Variants in PCDH15 observed in about 807,000 individuals in gnomAD.
The protein encoded by PCDH15 is protocadherin related 15.
Under a neutral mutation model 178.5 loss-of-function variants are expected in PCDH15, and 129 were observed. The observed-to-expected ratio is 0.72, with a 90% confidence interval of 0.63 to 0.84. The LOEUF is 0.84. PCDH15 is among the 40% of genes least tolerant of loss of function. The pLI, the probability that PCDH15 is intolerant of heterozygous loss-of-function variation, is 0.00. For missense variants in PCDH15, 2,230 were observed against 2,099.9 expected, an observed-to-expected ratio of 1.06 and a Z score of -1.21; for synonymous variants, 800 against 732.0, an observed-to-expected ratio of 1.09 and a Z score of -1.50.
chr10:54,547,831 T>C (rs1272131082), intron 2 of PCDH15, among the ~76,000 whole-genome samples: 2 of 152,080 alleles, frequency 1.3e-5, no homozygotes, highest in Admixed American at 6.6e-5. Flanking sequence ...GGGTATAGTA[T>C]ATATTTATAT....
intron 1 of PCDH15, among the ~76,000 whole-genome samples, chr10:55,292,031 C>T (rs73252142): frequency 0.18 from 27,272 of 152,016 alleles, 4,459 homozygotes; most frequent in African/African-American, 0.44. Context: ...TGGGCAGGAA[C>T]ACAGCCAAAC....
In PCDH15 at chr10:54,158,976, C is replaced by T. The variant is rs567949877; in HGVS notation, c.1591-5683G>A. Among the ~76,000 whole-genome samples, 15 of 151,814 alleles carry T rather than the reference C, an allele frequency of 9.9e-5. No homozygotes were observed. The South Asian group carries it at 1.2e-3, about 13-fold the overall frequency. ...CAAAAATATTAGCCAGGCGTGGTGGCGAGCACATGTAGTCCCAGTGTTTTT... is the reference window on the plus strand; with the variant it reads ...CAAAAATATTAGCCAGGCGTGGTGGTGAGCACATGTAGTCCCAGTGTTTTT... On this transcript the variant is annotated intron_variant, in intron 13 of 37. Coordinates refer to ENST00000644397, the MANE Select transcript of PCDH15 (RefSeq NM_001384140.1).
At chr10:54,156,545 T>C (rs1412570183) in intron 13 of PCDH15, among the ~76,000 whole-genome samples, 1 of 152,134 alleles carries the variant, frequency 6.6e-6, no homozygotes, top group African/African-American at 2.4e-5. Context: ...CCCCAATGAT[T>C]CAATTACCTC....
chr10:55,330,838 A>ATGTGTGTG (rs71461291), intron 2 of PCDH15, among the ~76,000 whole-genome samples: 1,484 of 144,690 alleles, frequency 0.01, 25 homozygotes, highest in African/African-American at 0.031. Context: ...AGATTTATTT[A>ATGTGTGTG]TGTGTGTGTG....
intron 2 of PCDH15, among the ~76,000 whole-genome samples, chr10:55,454,558 A>G (rs552803488): frequency 6.6e-6 from 1 of 151,494 alleles, no homozygotes; most frequent in Non-Finnish European, 1.5e-5. Flanking sequence ...TGGGCGGATC[A>G]TGAGATCAGG....
intron 11 of PCDH15, among the ~76,000 whole-genome samples, chr10:54,187,814 G>A (rs2048614525): frequency 6.6e-6 from 1 of 151,576 alleles, no homozygotes; most frequent in Non-Finnish European, 1.5e-5. Flanking sequence ...AATGCTACTG[G>A]TAAATATCCT....
chr10:55,298,369 G>A (rs1843188818), intron 1 of PCDH15, among the ~76,000 whole-genome samples: 1 of 152,192 alleles, frequency 6.6e-6, no homozygotes, highest in South Asian at 2.1e-4. Flanking sequence ...AATATTCCTT[G>A]AAAGAAAGGA....
At chr10:55,570,197 C>T (rs1019466873) in intron 2 of PCDH15, among the ~76,000 whole-genome samples, 11 of 151,846 alleles carry the variant, frequency 7.2e-5, no homozygotes, top group Admixed American at 7.2e-4. Context: ...ACAGCTTTAT[C>T]GTCTGTAATA....
At chr10:55,135,042 G>A (rs927820703) in intron 2 of PCDH15, among the ~76,000 whole-genome samples, 5 of 151,986 alleles carry the variant, frequency 3.3e-5, no homozygotes, top group Admixed American at 1.3e-4. Context: ...CTATATAAGC[G>A]CCATCAGGAA....
chr10:54,010,355 A>C (rs1394502117), intron 20 of PCDH15, among the ~76,000 whole-genome samples: 1 of 151,796 alleles, frequency 6.6e-6, no homozygotes, highest in Non-Finnish European at 1.5e-5. Context: ...CTCTTGGGCC[A>C]GTAGCAGCTC....
Position 54,347,245 on chromosome 10 carries a change from C to T in PCDH15, c.475-761G>A, listed in dbSNP as rs565664368. On this transcript the variant is annotated intron_variant, in intron 5 of 37. Transcript: ENST00000644397. ...ACCAGAGTAATTTTTTTAAATTTTC[C>T]CCTCCCAGTTTTTAGGTTTTAGCTG... Among the ~76,000 whole-genome samples, 36 of 151,734 alleles carry T rather than the reference C, an allele frequency of 2.4e-4. No homozygotes were observed. In the South Asian group the frequency reaches 5.4e-3, roughly 23 times the overall value.
intron 28 of PCDH15, among the ~76,000 whole-genome samples, chr10:53,847,872 TAA>T (rs1282428111): frequency 6.6e-6 from 1 of 152,110 alleles, no homozygotes. Flanking sequence ...TGAATCATTG[TAA>T]ACTACTTCTG....
At chr10:54,329,569 G>T (rs530240466) in intron 7 of PCDH15, 27 bp downstream of exon 7, 1 of 1,488,262 alleles carries the variant, frequency 6.7e-7, no homozygotes, top group African/African-American at 1.4e-5. Context: ...ATTCACAGAA[G>T]AAATTTAAAA....
intron 5 of PCDH15, among the ~76,000 whole-genome samples, chr10:54,359,605 C>T (rs991334366): frequency 6.6e-6 from 1 of 151,844 alleles, no homozygotes; most frequent in Non-Finnish European, 1.5e-5. Context: ...ACTTCTATTA[C>T]ATTTAATTTT....
intron 2 of PCDH15, among the ~76,000 whole-genome samples, chr10:54,573,497 A>C (rs2090090829): frequency 6.6e-6 from 1 of 152,194 alleles, no homozygotes; most frequent in Admixed American, 6.6e-5. Context: ...TGCATTTTGA[A>C]TAGTTTTCTT....
At chr10:54,820,045 C>T (rs16906569) in intron 3 of PCDH15, among the ~76,000 whole-genome samples, 3 of 151,820 alleles carry the variant, frequency 2.0e-5, no homozygotes, top group Non-Finnish European at 2.9e-5. Context: ...GTCAAGAAAT[C>T]ATTATCAAAG....
At chr10:55,097,701 TAGAG>T (rs953399088) in intron 2 of PCDH15, among the ~76,000 whole-genome samples, 4 of 151,728 alleles carry the variant, frequency 2.6e-5, no homozygotes, top group South Asian at 4.1e-4. Flanking sequence ...GATAGATAGA[TAGAG>T]AGACAGATAG....
At chr10:55,232,444 A>G (rs1592007046) in intron 1 of PCDH15, among the ~76,000 whole-genome samples, 1 of 152,060 alleles carries the variant, frequency 6.6e-6, no homozygotes, top group Admixed American at 6.6e-5. Context: ...TGTTTTTCAA[A>G]AAAAGTTACA....
chr10:54,812,214 AG>A (rs1470693950), intron 3 of PCDH15, among the ~76,000 whole-genome samples: 1 of 151,994 alleles, frequency 6.6e-6, no homozygotes, highest in African/African-American at 2.4e-5. Context: ...AAAAACAAAA[AG>A]TAAACAAACA....
Sources: allele counts gnomAD v4.1 joint callset (sites outside exome capture counted in the v4.1 genomes callset), GRCh38; gene constraint gnomAD v4.1.1; transcripts MANE v1.5; gene names NCBI Gene and HGNC (gene_info 2026-07-23, HGNC 2026-07-21).